The following CFAP47 variants were observed in gnomAD, a reference collection of about 807,000 sequenced individuals.
CFAP47 encodes the protein cilia- and flagella-associated protein 47.
In CFAP47, 29 loss-of-function variants were observed where a neutral mutation model predicts 148.1. That is an observed-to-expected ratio of 0.20 (90% CI 0.15 to 0.27). CFAP47 has a LOEUF of 0.27. Among genes scored for constraint, CFAP47 ranks in the 10% least tolerant of loss-of-function variants. CFAP47 has a pLI of 1.00. For missense variants in CFAP47, 1,872 were observed against 1,697.5 expected (o/e 1.10, Z -1.81); for synonymous variants, 664 against 577.3 (o/e 1.15, Z -2.15).
At chrX:36,140,231 G>A (rs2336655) in intron 35 of CFAP47, among the ~76,000 whole-genome samples, 4,304 of 110,963 alleles carry the variant, frequency 0.039, 234 homozygotes, top group African/African-American at 0.13. Flanking sequence ...TATGCTATGA[G>A]ACTCAAAGGA....
At chrX:36,270,991 T>A (rs1556001753) in intron 49 of CFAP47, among the ~76,000 whole-genome samples, 1 of 110,632 alleles carries the variant, frequency 9.0e-6, no homozygotes, top group East Asian at 2.8e-4. Flanking sequence ...AGCCATGTAA[T>A]TTTGTTTTTC....
intron 7 of CFAP47, among the ~76,000 whole-genome samples, chrX:35,954,042 G>A (rs184478620): frequency 9.9e-5 from 11 of 110,702 alleles, no homozygotes; most frequent in Admixed American, 8.7e-4. Context: ...TTTTCTCAGG[G>A]ATTGGTATGG....
intron 62 of CFAP47, among the ~76,000 whole-genome samples, chrX:36,371,293 C>T (rs1432979724): frequency 9.1e-6 from 1 of 110,233 alleles, no homozygotes; most frequent in Non-Finnish European, 1.9e-5. Context: ...AGAAATCCAC[C>T]ATCTCTTGGC....
chrX:36,320,549 A>G (rs1464281483), intron 57 of CFAP47, among the ~76,000 whole-genome samples: 2 of 112,272 alleles, frequency 1.8e-5, no homozygotes, highest in Admixed American at 9.5e-5. Context: ...TAATTGCTTA[A>G]TGGCATACTT....
At chrX:35,996,231 A>G (rs1434705867) in intron 18 of CFAP47, among the ~76,000 whole-genome samples, 3 of 111,187 alleles carry the variant, frequency 2.7e-5, no homozygotes. Flanking sequence ...TTAATGAAGA[A>G]CACATCAATT....
chrX:36,245,837 A>C (rs1940608783), intron 48 of CFAP47, among the ~76,000 whole-genome samples: 1 of 111,681 alleles, frequency 9.0e-6, no homozygotes, highest in South Asian at 3.7e-4. Context: ...CTATTCAATA[A>C]ATGGTGCTGA....
chrX:36,310,877 C>T lies in CFAP47; in HGVS notation c.8232C>T (p.Pro2744=). The change falls in exon 56 of 64, where the codon CCC becomes CCT. Residue 2744 remains proline, a synonymous_variant. Transcript: ENST00000378653. ...KFYLSGVGLF[P]QPLDTERITT... ...ACTTATCTGGAGTAGGACTATTTCCCCAGCCTCTAGACACGGAAAGAATAA... is the reference window on the plus strand; with the variant it reads ...ACTTATCTGGAGTAGGACTATTTCCTCAGCCTCTAGACACGGAAAGAATAA... 8.7e-7 allele frequency: 1 copy of T among 1,150,161 alleles called. No individual in the cohort carries two copies. The highest frequency in any genetic ancestry group is 1.2e-6 in the Non-Finnish European group (1 of 860,264). The allele number at this position is 1,150,161 out of a possible 1,213,427, so 94.8% of individuals were successfully genotyped here.
intron 25 of CFAP47, among the ~76,000 whole-genome samples, chrX:36,046,504 T>C (rs1937468299): frequency 9.0e-6 from 1 of 111,236 alleles, no homozygotes; most frequent in Admixed American, 9.6e-5. Context: ...TTTGTACCTA[T>C]TAAAGTGATA....
intron 33 of CFAP47, among the ~76,000 whole-genome samples, chrX:36,121,952 T>C (rs903755376): frequency 1.8e-5 from 2 of 111,924 alleles, no homozygotes; most frequent in Non-Finnish European, 3.8e-5. Context: ...TTAGCATTTC[T>C]TGTAGAACAT....
chrX:36,170,163 C>T (rs1437386061), intron 39 of CFAP47, among the ~76,000 whole-genome samples: 1 of 111,696 alleles, frequency 9.0e-6, no homozygotes, highest in Non-Finnish European at 1.9e-5. Flanking sequence ...CTTGGATAAA[C>T]ACTACTCCTG....
chrX:36,297,832 C>T (rs1941257563), intron 51 of CFAP47, among the ~76,000 whole-genome samples: 2 of 112,010 alleles, frequency 1.8e-5, no homozygotes, highest in South Asian at 7.4e-4. Flanking sequence ...TCAGCAGCAG[C>T]AGCAGCATCA....
intron 13 of CFAP47, among the ~76,000 whole-genome samples, chrX:35,972,969 G>C (rs1168725298): frequency 1.8e-5 from 2 of 111,219 alleles, no homozygotes; most frequent in Non-Finnish European, 3.8e-5. Context: ...AATGTATAAG[G>C]GTTACAAGTT....
intron 51 of CFAP47, among the ~76,000 whole-genome samples, chrX:36,289,095 G>T (rs1490695676): frequency 9.6e-6 from 1 of 103,804 alleles, no homozygotes; most frequent in East Asian, 3.0e-4. Context: ...CCGCCTCCCG[G>T]GTTCAAGCGA....
intron 33 of CFAP47, among the ~76,000 whole-genome samples, chrX:36,126,915 A>G (rs1938850151): frequency 8.9e-6 from 1 of 112,252 alleles, no homozygotes; most frequent in Admixed American, 9.4e-5. Context: ...ATGTCTGTTC[A>G]TATCCTTTGC....
intron 49 of CFAP47, 110 bp downstream of exon 49, chrX:36,251,554 C>T (rs1276934766): frequency 4.3e-5 from 15 of 349,929 alleles, no homozygotes; most frequent in Middle Eastern, 5.4e-4. Flanking sequence ...TTAAATGACT[C>T]AGAAGAAAGT....
intron 6 of CFAP47, among the ~76,000 whole-genome samples, chrX:35,952,805 G>C (rs6632429): frequency 0.28 from 30,870 of 111,200 alleles, 4,719 homozygotes; most frequent in African/African-American, 0.59. Flanking sequence ...TTTGAAATTT[G>C]AAATATTCTA....
chrX:35,991,447 A>G (rs1246966576), intron 16 of CFAP47, among the ~76,000 whole-genome samples: 1 of 110,676 alleles, frequency 9.0e-6, no homozygotes, highest in Non-Finnish European at 1.9e-5. Flanking sequence ...AAATATCTAA[A>G]TTCTAAATAT....
At chrX:36,094,385 AT>A (rs1938238627) in intron 30 of CFAP47, among the ~76,000 whole-genome samples, 1 of 110,876 alleles carries the variant, frequency 9.0e-6, no homozygotes, top group African/African-American at 3.3e-5. Flanking sequence ...AAATGTAAGG[AT>A]TTTGTTTCTC....
intron 21 of CFAP47, among the ~76,000 whole-genome samples, chrX:36,004,306 G>A (rs188387305): frequency 1.8e-5 from 2 of 110,683 alleles, no homozygotes; most frequent in African/African-American, 6.6e-5. Flanking sequence ...ATACACCAAC[G>A]ACCAAGCCAA....
Sources: gnomAD v4.1 joint callset for allele counts (sites outside exome capture counted in the v4.1 genomes callset) on GRCh38, gnomAD v4.1.1 for gene constraint, MANE v1.5 for transcripts, NCBI Gene and HGNC (gene_info 2026-07-23, HGNC 2026-07-21) for gene names.